Variants in PDE4D observed in about 807,000 individuals in gnomAD.
The protein encoded by PDE4D is 3',5'-cyclic-AMP phosphodiesterase 4D.
PDE4D carries 24 observed loss-of-function variants against 87.4 expected under a neutral mutation model. The ratio of observed to expected loss-of-function variants is 0.27; its 90% confidence interval spans 0.20 to 0.39. The LOEUF is 0.39. PDE4D is among the 10% of genes least tolerant of loss of function. PDE4D has a pLI of 1.00. For missense variants in PDE4D, 714 were observed against 1,041.0 expected (o/e 0.69, Z 4.32); for synonymous variants, 384 against 383.2 (o/e 1.00, Z -0.02).
intron 1 of PDE4D, among the ~76,000 whole-genome samples, chr5:59,406,403 C>A (rs917418768): frequency 1.5e-5 from 1 of 65,568 alleles, no homozygotes; most frequent in Non-Finnish European, 2.9e-5. Context: ...CTTCCCCCCC[C>A]CCCCCCCCAT....
intron 1 of PDE4D, among the ~76,000 whole-genome samples, chr5:59,632,126 G>A (rs1390407461): frequency 6.6e-6 from 1 of 152,202 alleles, no homozygotes; most frequent in East Asian, 1.9e-4. Flanking sequence ...AAAGCTGCCA[G>A]GAAGTTCAAA....
intron 1 of PDE4D, among the ~76,000 whole-genome samples, chr5:60,247,711 C>T (rs1234647999): frequency 1.3e-5 from 2 of 151,898 alleles, no homozygotes; most frequent in Non-Finnish European, 2.9e-5. Flanking sequence ...AGTGCTTCCT[C>T]TCTCTCCTCT....
intron 1 of PDE4D, among the ~76,000 whole-genome samples, chr5:59,240,475 C>A (rs568134836): frequency 6.6e-6 from 1 of 152,118 alleles, no homozygotes; most frequent in East Asian, 1.9e-4. Flanking sequence ...CATAGTTCTT[C>A]AGATATTTGA....
chr5:59,782,806 G>A (rs764007567), intron 1 of PDE4D, among the ~76,000 whole-genome samples: 1 of 152,176 alleles, frequency 6.6e-6, no homozygotes, highest in Non-Finnish European at 1.5e-5. Flanking sequence ...TTTTATGACT[G>A]TATTTGGAGA....
At chr5:59,269,238 T>C (rs1581692167) in intron 1 of PDE4D, among the ~76,000 whole-genome samples, 1 of 152,290 alleles carries the variant, frequency 6.6e-6, no homozygotes, top group East Asian at 1.9e-4. Flanking sequence ...AAGAATTTCA[T>C]ACCAATTCAG....
At chr5:59,303,419 T>C (rs747225082) in intron 1 of PDE4D, among the ~76,000 whole-genome samples, 29 of 152,116 alleles carry the variant, frequency 1.9e-4, no homozygotes, top group Non-Finnish European at 3.7e-4. Flanking sequence ...TTTATCTTTG[T>C]TTTTATTGCA....
At chr5:60,120,454 A>G (rs1044519380) in intron 2 of PDE4D, among the ~76,000 whole-genome samples, 6 of 152,188 alleles carry the variant, frequency 3.9e-5, no homozygotes, top group African/African-American at 1.4e-4. Flanking sequence ...TTCAGAAACA[A>G]GAGCTGTGTA....
At chr5:59,067,074 C>T (rs993479926) in intron 5 of PDE4D, among the ~76,000 whole-genome samples, 2 of 151,676 alleles carry the variant, frequency 1.3e-5, no homozygotes, top group African/African-American at 4.8e-5. Flanking sequence ...GATTTCAGTG[C>T]CATGATCTCA....
At chr5:60,165,917 AC>A (rs1782848677) in intron 2 of PDE4D, among the ~76,000 whole-genome samples, 1 of 151,374 alleles carries the variant, frequency 6.6e-6, no homozygotes, top group Non-Finnish European at 1.5e-5. Flanking sequence ...TATTTTGTTC[AC>A]TGTTTTCTAG....
At chr5:59,409,379 T>C (rs1164875580) in intron 1 of PDE4D, among the ~76,000 whole-genome samples, 1 of 152,154 alleles carries the variant, frequency 6.6e-6, no homozygotes, top group East Asian at 1.9e-4. Context: ...AAGAAGGACA[T>C]GAGATTTAGG....
At chr5:59,553,899 G>A (rs1021927449) in intron 1 of PDE4D, among the ~76,000 whole-genome samples, 4 of 152,062 alleles carry the variant, frequency 2.6e-5, no homozygotes, top group Non-Finnish European at 4.4e-5. Flanking sequence ...AGAGCTCTCC[G>A]TCATTAACCA....
At chr5:60,285,546 G>A (rs139625910) in intron 1 of PDE4D, among the ~76,000 whole-genome samples, 1 of 151,810 alleles carries the variant, frequency 6.6e-6, no homozygotes, top group African/African-American at 2.4e-5. Flanking sequence ...AAAAATTACA[G>A]GGAAGAAAAA....
chr5:60,061,901 A>G (rs1771453598), intron 2 of PDE4D, among the ~76,000 whole-genome samples: 1 of 152,182 alleles, frequency 6.6e-6, no homozygotes, highest in African/African-American at 2.4e-5. Context: ...CTTACACCTT[A>G]TACAAAAATC....
In PDE4D at chr5:59,683,634, G is replaced by A. The variant is rs567424099; in HGVS notation, c.455+209534C>T. 4.6e-5 allele frequency among the ~76,000 whole-genome samples: 7 copies of A among 152,156 alleles called. No individual in the cohort carries two copies. In the South Asian group the frequency reaches 6.2e-4, roughly 14 times the overall value. On this transcript the variant is annotated intron_variant, in intron 1 of 14. Transcript: ENST00000340635. Reference sequence around the variant, plus strand: ...TATATCGAGCAGAAAATAGCTATTCGTGACAAATCTCACACCTGAGATTAA... The same window carrying A: ...TATATCGAGCAGAAAATAGCTATTCATGACAAATCTCACACCTGAGATTAA...
intron 1 of PDE4D, among the ~76,000 whole-genome samples, chr5:59,461,096 G>C (rs2153646099): frequency 6.6e-6 from 1 of 152,218 alleles, no homozygotes; most frequent in Middle Eastern, 3.4e-3. Flanking sequence ...ATATCTAAGA[G>C]TCCTCTTGGG....
At chr5:59,771,485 G>GAAAGAAAGAAAGAAAGAAAGAA (rs56311484) in intron 1 of PDE4D, among the ~76,000 whole-genome samples, 2 of 70,622 alleles carry the variant, frequency 2.8e-5, no homozygotes, top group African/African-American at 5.4e-5. Flanking sequence ...AAGAAAGAAA[G>GAAAGAAAGAAAGAAAGAAAGAA]AGAGAGAGAG....
Position 60,195,672 on chromosome 5 carries a change from G to A in PDE4D, c.-89-9985C>T, listed in dbSNP as rs533420433. Among the ~76,000 whole-genome samples, 48 of 151,678 alleles carry A rather than the reference G, an allele frequency of 3.2e-4. 1 individual carries two copies. The highest frequency in any genetic ancestry group is 1.2e-3 in the Admixed American group (19 of 15,212). ...AAATACGATAAAAATCTCTCTCCAC[G>A]TGGAACTCTCATTCTAGTGGGGGAC... is the stretch of plus-strand genomic sequence containing the variant. On this transcript the variant is annotated intron_variant, in intron 1 of 16. Coordinates refer to the PDE4D transcript ENST00000502484.
At chr5:59,478,767 C>T (rs1803747401) in intron 1 of PDE4D, among the ~76,000 whole-genome samples, 3 of 151,990 alleles carry the variant, frequency 2.0e-5, no homozygotes. Flanking sequence ...TTATGGAAGT[C>T]TACTATTTAA....
intron 1 of PDE4D, among the ~76,000 whole-genome samples, chr5:60,449,448 A>T (rs1041091012): frequency 7.2e-6 from 1 of 137,946 alleles, no homozygotes; most frequent in African/African-American, 2.7e-5. Context: ...AACAATGAGA[A>T]CACATGGACA....
Sources: allele counts gnomAD v4.1 joint callset (sites outside exome capture counted in the v4.1 genomes callset), GRCh38; gene constraint gnomAD v4.1.1; transcripts MANE v1.5; gene names NCBI Gene and HGNC (gene_info 2026-07-23, HGNC 2026-07-21).